PABPC1L: variants seen among roughly 807,000 people sequenced by gnomAD.
The protein encoded by PABPC1L is polyadenylate-binding protein 1-like.
PABPC1L carries 31 observed loss-of-function variants against 66.6 expected under a neutral mutation model. The ratio of observed to expected loss-of-function variants is 0.47; its 90% CI spans 0.35 to 0.63. The LOEUF (loss-of-function observed/expected upper bound fraction) is 0.63, where lower values mean the gene tolerates loss of function less well. Ranked by LOEUF, PABPC1L falls within the 20% of genes least tolerant of loss-of-function variation. The pLI is 0.00. For synonymous variants in PABPC1L, 348 were observed against 335.1 expected, an observed-to-expected ratio of 1.04 and a Z score of -0.42; for missense variants, 722 against 848.8, an observed-to-expected ratio of 0.85 and a Z score of 1.86.
rs1237212190 is a variant in PABPC1L at position 44,935,344 on chromosome 20, G to C, written c.1460-47G>C. 7 of 1,410,428 alleles carry C rather than the reference G, an allele frequency of 5.0e-6. No homozygotes were observed. The East Asian group carries it at 1.4e-4, about 28-fold the overall frequency. The allele number at this position is 1,410,428 out of a possible 1,614,324, so 87.4% of individuals were successfully genotyped here. A position where few individuals can be genotyped will look rare whatever the true frequency, so the allele number is the denominator to read the frequency against. Reference sequence around the variant, plus strand: ...TGTTTTGTTTTGTTTTTGGATAGCAGCTATTTGAACTCTGCTTTTTTTGTT... The same window carrying C: ...TGTTTTGTTTTGTTTTTGGATAGCACCTATTTGAACTCTGCTTTTTTTGTT... On this transcript the variant is annotated intron_variant, in intron 10 of 14. Coordinates refer to ENST00000217073, the MANE Select transcript of PABPC1L (RefSeq NM_001372179.1).
intron 2 of PABPC1L, among the ~76,000 whole-genome samples, chr20:44,916,120 G>GT: frequency 6.6e-6 from 1 of 152,200 alleles, no homozygotes; most frequent in Admixed American, 6.5e-5. Context: ...TACCCCGGTT[G>GT]TTTCTAGTTT....
At chr20:44,919,097 C>A in intron 4 of PABPC1L, 52 bp downstream of exon 4, 1 of 1,611,952 alleles carries the variant, frequency 6.2e-7, no homozygotes. Flanking sequence ...CTCTTCCCTT[C>A]CAAAGTCTGG....
At position 44,912,786 on chromosome 20, in the gene PABPC1L, A is replaced by T. The variant is rs1181988018; in HGVS notation, c.320A>T (p.Glu107Val). The change falls in exon 2 of 15, where the codon GAG (glutamate) becomes GTG (valine). Residue 107 changes from glutamate to valine, a missense_variant. Glu to Val is a moderately radical substitution (Grantham distance 121, BLOSUM62 -2). Coordinates refer to ENST00000217073, the MANE Select transcript of PABPC1L (RefSeq NM_001372179.1). ...GGCAACATCTTCATCAAGAACCTGG[A>T]GGACTCCATTGACAACAAGGCTTTA... ...GVGNIFIKNLEDSIDNKALYD... is the reference protein window; with the variant it reads ...GVGNIFIKNLVDSIDNKALYD... 1 of 1,614,164 alleles carries T rather than the reference A, an allele frequency of 6.2e-7. No individual in the cohort carries two copies.
In PABPC1L at chr20:44,930,588, G is replaced by A. The variant is rs1448553649; in HGVS notation, c.1101G>A (p.Leu367=). 1 of 1,614,106 alleles carries A rather than the reference G, an allele frequency of 6.2e-7. No individual in the cohort carries two copies. The highest frequency in any genetic ancestry group is 1.3e-5 in the African/African-American group (1 of 74,950). Residue 367 remains leucine, a synonymous_variant, in exon 8 of 15, where the codon CTG becomes CTA. Coordinates refer to ENST00000217073, the MANE Select transcript of PABPC1L (RefSeq NM_001372179.1). ...GCACCAAGCCACTCTACGTGGCACTGGCCCAGCGCAAAGAGGAGCGGAAGG... is the reference window on the plus strand; with the variant it reads ...GCACCAAGCCACTCTACGTGGCACTAGCCCAGCGCAAAGAGGAGCGGAAGG... ...IVGTKPLYVA[L]AQRKEERKAI...
At chr20:44,924,052 C>A in intron 6 of PABPC1L, 109 bp from the exon 7 acceptor site, 2 of 839,926 alleles carry the variant, frequency 2.4e-6, no homozygotes, top group Non-Finnish European at 4.0e-6. Flanking sequence ...GGAGGCTGGG[C>A]TGGTGGGGCT....
At chr20:44,918,798 A>T in intron 3 of PABPC1L, 108 bp from the exon 4 acceptor site, 1 of 1,345,792 alleles carries the variant, frequency 7.4e-7, no homozygotes, top group South Asian at 1.4e-5. Context: ...TTTCCTGATG[A>T]GGGATATGTA....
In PABPC1L at chr20:44,930,741, G is replaced by A. The variant is rs764812816; in HGVS notation, c.1239+15G>A. 27 of 1,608,130 alleles carry A rather than the reference G, an allele frequency of 1.7e-5. No homozygotes were observed. The highest frequency in any genetic ancestry group is 4.4e-5 in the South Asian group (4 of 90,408). ...CCATGCCCCAGGTGACGGCCTGCCC[G>A]CAACTCCCACCGCAGCCTTCCCCCC... On this transcript the variant is annotated intron_variant, in intron 8 of 14. Coordinates refer to ENST00000217073, the MANE Select transcript of PABPC1L (RefSeq NM_001372179.1).
chr20:44,928,314 C>T (rs2066824790), intron 7 of PABPC1L, among the ~76,000 whole-genome samples: 1 of 152,168 alleles, frequency 6.6e-6, no homozygotes, highest in Non-Finnish European at 1.5e-5. Flanking sequence ...CTCAGGTGAT[C>T]TGCCCACCTT....
chr20:44,935,422 T>C lies in PABPC1L; in HGVS notation c.1491T>C (p.Ser497=). Residue 497 remains serine, a synonymous_variant, in exon 11 of 15, where the codon AGT becomes AGC. Transcript: ENST00000217073. ...TTGGTACTCAGACCACAGGACCCAG[T>C]GGGGTAGGATGCTGTACACCAGGCC... ...ANIGTQTTGP[S]GVGCCTPGRP... The C allele has an allele frequency of 6.2e-7, 1 of 1,614,196 alleles. No individual in the cohort carries two copies. The highest frequency in any genetic ancestry group is 2.2e-5 in the East Asian group (1 of 44,876).
intron 4 of PABPC1L, 65 bp from the exon 5 acceptor site, chr20:44,919,118 G>T: frequency 6.2e-7 from 1 of 1,613,404 alleles, no homozygotes; most frequent in South Asian, 1.1e-5. Flanking sequence ...TAGGGAGGAG[G>T]GGCTCTCCTG....
chr20:44,938,429 A>T (rs2066918527), intron 13 of PABPC1L, among the ~76,000 whole-genome samples: 1 of 152,158 alleles, frequency 6.6e-6, no homozygotes, highest in Non-Finnish European at 1.5e-5. Flanking sequence ...TGGTACAAGG[A>T]AGTGTGTTGT....
intron 12 of PABPC1L, 130 bp downstream of exon 12, chr20:44,936,860 G>T (rs915568582): frequency 1.1e-6 from 1 of 931,226 alleles, no homozygotes; most frequent in Non-Finnish European, 1.7e-6. Flanking sequence ...CCCCCCTACT[G>T]GGTGACCGTG....
Position 44,933,151 on chromosome 20 carries a change from G to C in PABPC1L, c.1425G>C (p.Gln475His), listed in dbSNP as rs1436689785. ...HISSVRQAST[Q>H]VPRTVPHTQR... ...GCAGTGTCAGGCAGGCCTCCACCCA[G>C]GTGCCACGCACGGTGCCTCATACCC... The change falls in exon 10 of 15, where the codon CAG becomes CAC. Residue 475 changes from glutamine to histidine, a missense_variant. Around this residue, in one of 3 missense-constraint regions of PABPC1L, gnomAD observed 301 missense variants for 337.2 expected, o/e 0.89. Coordinates refer to ENST00000217073, the MANE Select transcript of PABPC1L (RefSeq NM_001372179.1). The C allele has an allele frequency of 1.2e-6, 2 of 1,609,612 alleles. No homozygotes were observed. The highest frequency in any genetic ancestry group is 1.7e-6 in the Non-Finnish European group (2 of 1,178,580).
chr20:44,917,185 T>C (rs1568643500), intron 3 of PABPC1L, among the ~76,000 whole-genome samples: 2 of 152,148 alleles, frequency 1.3e-5, no homozygotes, highest in African/African-American at 4.8e-5. Flanking sequence ...CTTCTCAGTA[T>C]GGGGTGTATG....
At chr20:44,928,287 G>C (rs2066824501) in intron 7 of PABPC1L, among the ~76,000 whole-genome samples, 1 of 152,060 alleles carries the variant, frequency 6.6e-6, no homozygotes, top group South Asian at 2.1e-4. Flanking sequence ...TGGCCAGGCT[G>C]GTCTCGAACT....
intron 6 of PABPC1L, among the ~76,000 whole-genome samples, chr20:44,923,523 G>C (rs1314610336): frequency 6.6e-6 from 1 of 152,004 alleles, no homozygotes; most frequent in Non-Finnish European, 1.5e-5. Flanking sequence ...CAGCTACTTG[G>C]GAGGCTGAGG....
chr20:44,919,258 A>G lies in PABPC1L; in HGVS notation c.719A>G (p.Lys240Arg). ...SRCFGFVNFE[K>R]HEEAQKAVVH... ...TGCTTTGGCTTTGTCAACTTTGAGA[A>G]GCATGAGGAAGCCCAGAAGGTAGGA... is the stretch of plus-strand genomic sequence containing the variant. The change falls in exon 5 of 15, where the codon AAG becomes AGG. Residue 240 changes from lysine to arginine, a missense_variant. This residue lies in a region of PABPC1L where 137 missense variants were observed against 216.8 expected (regional missense o/e 0.63). Transcript: ENST00000217073. 6.2e-7 allele frequency: 1 copy of G among 1,614,176 alleles called. No homozygotes were observed. Among genetic ancestry groups the G allele is most frequent in the Non-Finnish European group, 8.5e-7 (1 of 1,180,034 alleles).
intron 9 of PABPC1L, chr20:44,932,705 G>T: frequency 2.0e-6 from 1 of 510,358 alleles, no homozygotes; most frequent in Non-Finnish European, 3.5e-6. Flanking sequence ...TTCTTGCAAA[G>T]CTGAGAAGGT....
intron 3 of PABPC1L, among the ~76,000 whole-genome samples, chr20:44,917,153 G>A (rs1177982979): frequency 6.6e-6 from 1 of 152,156 alleles, no homozygotes; most frequent in African/African-American, 2.4e-5. Flanking sequence ...AATGGACTCA[G>A]TGTTTTCATC....
Sources: allele counts gnomAD v4.1 joint callset (sites outside exome capture counted in the v4.1 genomes callset), GRCh38; gene constraint gnomAD v4.1.1; regional missense constraint gnomAD v4.1.1; transcripts MANE v1.5; gene names NCBI Gene and HGNC (gene_info 2026-07-23, HGNC 2026-07-21).